Variants in PRKCB observed in about 807,000 individuals in gnomAD.
PRKCB encodes protein kinase C beta.
In PRKCB, 13 loss-of-function variants were observed where a neutral mutation model predicts 81.5. That is an observed-to-expected ratio of 0.16 (90% CI 0.10 to 0.25). The LOEUF (loss-of-function observed/expected upper bound fraction) is 0.25. Among genes scored for constraint, PRKCB ranks in the 10% least tolerant of loss-of-function variants. The pLI is 1.00. For missense variants in PRKCB, 509 were observed against 875.7 expected (o/e 0.58, Z 5.29); for synonymous variants, 335 against 321.4 (o/e 1.04, Z -0.45).
At chr16:23,887,168 G>A (rs1358251442) in intron 2 of PRKCB, among the ~76,000 whole-genome samples, 3 of 151,986 alleles carry the variant, frequency 2.0e-5, no homozygotes, top group African/African-American at 7.3e-5. Context: ...TATGCTTGTA[G>A]GATAGAAATA....
chr16:24,208,562 T>A (rs750569998), intron 16 of PRKCB: 2 of 152,244 alleles, frequency 1.3e-5, no homozygotes, highest in Non-Finnish European at 2.9e-5. Context: ...CCCCCATTCC[T>A]GTTCCAGGAG....
At position 24,217,973 on chromosome 16, in the gene PRKCB, CG is replaced by C. The variant is rs1486603372; in HGVS notation, c.*3161del. The C allele has an allele frequency of 7.1e-6, 7 of 985,234 alleles. No individual in the cohort carries two copies. The highest frequency in any genetic ancestry group is 8.4e-6 in the Non-Finnish European group (7 of 829,898). 61.0% of individuals were successfully genotyped at this position (985,234 alleles called of 1,614,324 possible). On this transcript the variant is annotated 3_prime_UTR_variant, in exon 17 of 17. Transcript: ENST00000643927. ...TTGCCTCAGAGTAAAGTTTCTGGCT[CG>C]GGGACAATTATAAGTTGCAAAAAGG... is the stretch of plus-strand genomic sequence containing the variant.
chr16:24,185,064 A>G (rs774675405), intron 13 of PRKCB, 47 bp from the exon 14 acceptor site: 1 of 1,485,742 alleles, frequency 6.7e-7, no homozygotes, highest in South Asian at 1.1e-5. Flanking sequence ...TCTCCAGAAG[A>G]AACATGAACT....
At chr16:23,974,700 G>A (rs1246032976) in intron 2 of PRKCB, among the ~76,000 whole-genome samples, 1 of 152,082 alleles carries the variant, frequency 6.6e-6, no homozygotes, top group Non-Finnish European at 1.5e-5. Flanking sequence ...AGGTTCTTTT[G>A]TCATTTGTAA....
In PRKCB at chr16:23,863,421, G is replaced by T. The variant is rs533363544; in HGVS notation, c.205+26015G>T. Among the ~76,000 whole-genome samples the T allele has an allele frequency of 3.3e-5, 5 of 151,922 alleles. No individual in the cohort carries two copies. In the South Asian group the frequency reaches 1.0e-3, roughly 31 times the overall value. On this transcript the variant is annotated intron_variant, in intron 2 of 16. Transcript: ENST00000643927. ...TTGCTTTGCACTGTGGACTCACCCT[G>T]AATTCTTTCTTGTGCAAGATCCAAG...
At chr16:24,051,050 C>T (rs932467395) in intron 5 of PRKCB, among the ~76,000 whole-genome samples, 4 of 152,048 alleles carry the variant, frequency 2.6e-5, no homozygotes, top group African/African-American at 7.3e-5. Flanking sequence ...GTTCTTGTGC[C>T]GAGTGTCTTC....
intron 16 of PRKCB, among the ~76,000 whole-genome samples, chr16:24,212,530 G>A (rs530770260): frequency 3.0e-5 from 4 of 135,352 alleles, no homozygotes; most frequent in Non-Finnish European, 6.1e-5. Flanking sequence ...AGGCTGGAGT[G>A]CAGTGGTACA....
intron 3 of PRKCB, among the ~76,000 whole-genome samples, chr16:24,023,922 A>G (rs984227033): frequency 1.2e-4 from 18 of 152,292 alleles, no homozygotes; most frequent in Non-Finnish European, 1.9e-4. Flanking sequence ...CCCTGAGCCA[A>G]GGCAATTATA....
chr16:24,023,345 T>C lies in PRKCB; in HGVS notation c.289-8791T>C, dbSNP rs1049112694. On this transcript the variant is annotated intron_variant, in intron 3 of 16. Coordinates refer to ENST00000643927, the MANE Select transcript of PRKCB (RefSeq NM_002738.7). ...CAGCATCAAGGCTAGGAAGGGAATG[T>C]ATTTTGGTTAAAGGCAGGACTGATA... Among the ~76,000 whole-genome samples the C allele has an allele frequency of 2.0e-5, 3 of 152,200 alleles. No individual in the cohort carries two copies. In the South Asian group the frequency reaches 6.2e-4, roughly 31 times the overall value.
chr16:23,889,860 T>C (rs1963265026), intron 2 of PRKCB, among the ~76,000 whole-genome samples: 1 of 152,198 alleles, frequency 6.6e-6, no homozygotes, highest in Non-Finnish European at 1.5e-5. Flanking sequence ...ATCTATCTAT[T>C]TACAATAATT....
intron 2 of PRKCB, among the ~76,000 whole-genome samples, chr16:23,982,038 A>ACCTTCCCCTTCCCTTC (rs1964730939): frequency 2.6e-4 from 3 of 11,406 alleles, no homozygotes; most frequent in African/African-American, 9.7e-4. Flanking sequence ...CTTTCCCTTC[A>ACCTTCCCCTTCCCTTC]CCTTCCCCTT....
At chr16:24,070,734 A>G (rs994041233) in intron 5 of PRKCB, among the ~76,000 whole-genome samples, 2 of 152,204 alleles carry the variant, frequency 1.3e-5, no homozygotes, top group Non-Finnish European at 2.9e-5. Flanking sequence ...CTCCGCAGCC[A>G]GGAAGTGGTA....
intron 3 of PRKCB, among the ~76,000 whole-genome samples, chr16:24,026,682 A>G (rs1305961629): frequency 1.3e-5 from 2 of 152,232 alleles, no homozygotes; most frequent in Admixed American, 1.3e-4. Flanking sequence ...CACAAGAGCC[A>G]AGAGTAGAGA....
chr16:24,003,681 A>G (rs954707397), intron 3 of PRKCB, among the ~76,000 whole-genome samples: 7 of 152,130 alleles, frequency 4.6e-5, no homozygotes, highest in Admixed American at 3.3e-4. Flanking sequence ...GACTGCACCC[A>G]GCCATCTTCC....
At chr16:23,942,158 A>G (rs1964147699) in intron 2 of PRKCB, among the ~76,000 whole-genome samples, 1 of 152,258 alleles carries the variant, frequency 6.6e-6, no homozygotes, top group African/African-American at 2.4e-5. Context: ...AGATGCCACC[A>G]GCTCCCTTTT....
chr16:23,862,645 G>A (rs746590163), intron 2 of PRKCB, among the ~76,000 whole-genome samples: 15 of 152,098 alleles, frequency 9.9e-5, no homozygotes, highest in Non-Finnish European at 1.9e-4. Context: ...GAAAGGTTGG[G>A]TCTAGCTGAA....
chr16:24,015,534 C>G (rs1348208319), intron 3 of PRKCB, among the ~76,000 whole-genome samples: 1 of 152,226 alleles, frequency 6.6e-6, no homozygotes, highest in African/African-American at 2.4e-5. Flanking sequence ...TGGGTTGACT[C>G]TGAACCTCAT....
rs1251234264 is a variant in PRKCB at position 24,174,560 on chromosome 16, G to A, written c.1374G>A (p.Gln458=). ...TTGCCATCGGTCTGTTCTTCTTACA[G>A]AGTAAGGGCATCATTTACCGGTAAG... is the stretch of plus-strand genomic sequence containing the variant. ...AEIAIGLFFL[Q]SKGIIYRDLK... The change falls in exon 12 of 17, where the codon CAG becomes CAA. Residue 458 remains glutamine (Q), a synonymous_variant. Coordinates refer to ENST00000643927, the MANE Select transcript of PRKCB (RefSeq NM_002738.7). The A allele has an allele frequency of 1.9e-6, 3 of 1,612,704 alleles. No homozygotes were observed. The highest frequency in any genetic ancestry group is 1.1e-5 in the South Asian group (1 of 90,958).
chr16:24,126,035 A>C (rs1966843697), intron 9 of PRKCB, among the ~76,000 whole-genome samples: 1 of 152,226 alleles, frequency 6.6e-6, no homozygotes, highest in Non-Finnish European at 1.5e-5. Context: ...TCAGTGAACT[A>C]GAAGATTATG....
Sources: gnomAD v4.1 joint callset for allele counts (sites outside exome capture counted in the v4.1 genomes callset) on GRCh38, gnomAD v4.1.1 for gene constraint, MANE v1.5 for transcripts, NCBI Gene and HGNC (gene_info 2026-07-23, HGNC 2026-07-21) for gene names.